Variants in TSPAN18 observed in about 807,000 individuals in gnomAD.
The protein encoded by TSPAN18 is tetraspanin-18.
TSPAN18 carries 14 observed loss-of-function variants against 27.3 expected under a neutral mutation model. The observed-to-expected ratio is 0.51, with a 90% confidence interval of 0.34 to 0.80. TSPAN18 has a LOEUF of 0.80. Ranked by LOEUF, TSPAN18 falls within the 30% of genes least tolerant of loss-of-function variation. TSPAN18 has a pLI of 0.01. For missense variants in TSPAN18, 268 were observed against 323.9 expected, an observed-to-expected ratio of 0.83 and a Z score of 1.32; for synonymous variants, 143 against 136.5, an observed-to-expected ratio of 1.05 and a Z score of -0.33.
At chr11:44,924,601 GGGGATGAT>G (rs1421604524) in intron 8 of TSPAN18, among the ~76,000 whole-genome samples, 1 of 152,216 alleles carries the variant, frequency 6.6e-6, no homozygotes, top group African/African-American at 2.4e-5. Flanking sequence ...GGAACACTGA[GGGGATGAT>G]GGGAGGGCCG....
rs747574024 is a variant in TSPAN18, at chr11:44,833,094, C to T, written c.-152-27234C>T. Among the ~76,000 whole-genome samples the T allele has an allele frequency of 5.3e-5, 8 of 151,432 alleles. No homozygotes were observed. The South Asian group carries it at 1.3e-3, about 24-fold the overall frequency. The stretch of plus-strand genomic sequence containing the variant: ...TCACTGCTCCATAGAAACACTGTCT[C>T]CTCACTCTGGGCTCCAAAGCCTGTG... On this transcript the variant is annotated intron_variant, in intron 2 of 9. Coordinates refer to ENST00000520358, the MANE Select transcript of TSPAN18 (RefSeq NM_130783.5).
At chr11:44,800,006 G>GTTTTTTT (rs60067559) in intron 2 of TSPAN18, among the ~76,000 whole-genome samples, 78 of 109,230 alleles carry the variant, frequency 7.1e-4, no homozygotes, top group Non-Finnish European at 8.6e-4. Context: ...AATTTTTTGT[G>GTTTTTTT]TTTTTTTTTT....
chr11:44,786,928 G>A (rs1236500873), intron 2 of TSPAN18, among the ~76,000 whole-genome samples: 2 of 152,084 alleles, frequency 1.3e-5, no homozygotes, highest in African/African-American at 2.4e-5. Flanking sequence ...CACCGCTCCT[G>A]GCCTGTCCAG....
At position 44,929,270 on chromosome 11, in the gene TSPAN18, C is replaced by T. The variant is rs1049364092; in HGVS notation, c.*92C>T. On this transcript the variant is annotated 3_prime_UTR_variant, in exon 10 of 10. Transcript: ENST00000520358. ...GCCCCTCCCCGCTGTCCTCTTGGCCCCAGGGGAGAAGATGAGGCCATCAGA... is the reference window on the plus strand; with the variant it reads ...GCCCCTCCCCGCTGTCCTCTTGGCCTCAGGGGAGAAGATGAGGCCATCAGA... 6.5e-7 allele frequency: 1 copy of T among 1,527,176 alleles called. No individual in the cohort carries two copies. The highest frequency in any genetic ancestry group is 1.4e-5 in the African/African-American group (1 of 73,152). The allele number at this position is 1,527,176 out of a possible 1,614,324, so 94.6% of individuals were successfully genotyped here.
chr11:44,767,718 C>A (rs1487817662), intron 2 of TSPAN18, among the ~76,000 whole-genome samples: 1 of 152,200 alleles, frequency 6.6e-6, no homozygotes, highest in African/African-American at 2.4e-5. Context: ...GTGCTTTATT[C>A]TAAGAGTTTT....
At chr11:44,902,494 C>G (rs905243868) in intron 3 of TSPAN18, among the ~76,000 whole-genome samples, 5 of 152,154 alleles carry the variant, frequency 3.3e-5, no homozygotes, top group East Asian at 3.9e-4. Context: ...GGCTTGGTGA[C>G]GAAGGAAGAG....
In TSPAN18 at chr11:44,929,441, A is replaced by G; in HGVS notation, c.*263A>G. On this transcript the variant is annotated 3_prime_UTR_variant, in exon 10 of 10. Coordinates refer to ENST00000520358, the MANE Select transcript of TSPAN18 (RefSeq NM_130783.5). ...GACCCCAGCAACTGGCCCAGGATGC[A>G]GGCTGCTCTAGAGACCAAAGGAACA... is the stretch of plus-strand genomic sequence containing the variant. The G allele has an allele frequency of 1.9e-6, 1 of 519,064 alleles. No homozygotes were observed. Among genetic ancestry groups the G allele is most frequent in the East Asian group, 3.2e-5 (1 of 31,172 alleles). 32.2% of individuals were successfully genotyped at this position (519,064 alleles called of 1,614,324 possible).
chr11:44,789,413 A>G (rs901079751), intron 2 of TSPAN18, among the ~76,000 whole-genome samples: 2 of 152,194 alleles, frequency 1.3e-5, no homozygotes, highest in Non-Finnish European at 2.9e-5. Context: ...TCAATTTGTC[A>G]GTTCCTTTAT....
chr11:44,928,792 G>GA (rs5791658), intron 9 of TSPAN18, among the ~76,000 whole-genome samples: 42,441 of 149,752 alleles, frequency 0.28, 6,880 homozygotes, highest in Middle Eastern at 0.44. Flanking sequence ...TCTCAAAAAA[G>GA]AAAAAAAAAA....
At chr11:44,810,022 CCTGGAGCT>C (rs1856679773) in intron 2 of TSPAN18, among the ~76,000 whole-genome samples, 1 of 152,076 alleles carries the variant, frequency 6.6e-6, no homozygotes, top group African/African-American at 2.4e-5. Context: ...CGAGAGTGGA[CCTGGAGCT>C]CTGGCTCAAA....
chr11:44,814,302 C>T (rs1856777552), intron 2 of TSPAN18, among the ~76,000 whole-genome samples: 1 of 152,064 alleles, frequency 6.6e-6, no homozygotes, highest in Non-Finnish European at 1.5e-5. Context: ...GAATATTTGC[C>T]CCTCTTCCCA....
At chr11:44,775,215 C>A (rs1855777672) in intron 2 of TSPAN18, among the ~76,000 whole-genome samples, 1 of 152,188 alleles carries the variant, frequency 6.6e-6, no homozygotes, top group Non-Finnish European at 1.5e-5. Context: ...CTGCCCCAAG[C>A]AATATTTGTT....
At chr11:44,821,101 G>A (rs1565164597) in intron 2 of TSPAN18, among the ~76,000 whole-genome samples, 1 of 152,198 alleles carries the variant, frequency 6.6e-6, no homozygotes, top group Admixed American at 6.5e-5. Context: ...TCAATAAAAT[G>A]TTAACTTTTA....
At chr11:44,732,208 C>T (rs748982535) in intron 1 of TSPAN18, among the ~76,000 whole-genome samples, 4 of 152,256 alleles carry the variant, frequency 2.6e-5, no homozygotes, top group African/African-American at 7.2e-5. Flanking sequence ...GGGCCTCTGC[C>T]TCATCTTGTT....
At chr11:44,891,712 CAG>C (rs1265050444) in intron 3 of TSPAN18, among the ~76,000 whole-genome samples, 1 of 152,122 alleles carries the variant, frequency 6.6e-6, no homozygotes, top group Non-Finnish European at 1.5e-5. Flanking sequence ...GACTAGGACA[CAG>C]GGACGCTTTG....
chr11:44,913,521 A>T (rs537153774), intron 5 of TSPAN18, among the ~76,000 whole-genome samples: 1 of 152,356 alleles, frequency 6.6e-6, no homozygotes, highest in Non-Finnish European at 1.5e-5. Flanking sequence ...AAAAATTCTA[A>T]TTTTAAAAAT....
At chr11:44,864,778 T>C (rs1857990642) in intron 3 of TSPAN18, among the ~76,000 whole-genome samples, 1 of 152,202 alleles carries the variant, frequency 6.6e-6, no homozygotes, top group African/African-American at 2.4e-5. Flanking sequence ...CCTTTGATGC[T>C]TCTTTGGATC....
chr11:44,781,546 A>G (rs527594186), intron 2 of TSPAN18, among the ~76,000 whole-genome samples: 1 of 152,294 alleles, frequency 6.6e-6, no homozygotes, highest in South Asian at 2.1e-4. Context: ...TGGATGATGG[A>G]TAACTGGAAT....
At chr11:44,757,043 A>G (rs528869895) in intron 1 of TSPAN18, among the ~76,000 whole-genome samples, 1 of 152,086 alleles carries the variant, frequency 6.6e-6, no homozygotes, top group Admixed American at 6.6e-5. Flanking sequence ...TTGTATTTTT[A>G]GTTGAATGTT....
Sources: gnomAD v4.1 joint callset for allele counts (sites outside exome capture counted in the v4.1 genomes callset) on GRCh38, gnomAD v4.1.1 for gene constraint, MANE v1.5 for transcripts, NCBI Gene and HGNC (gene_info 2026-07-23, HGNC 2026-07-21) for gene names.